The following KCNK6 variants were observed in gnomAD, a reference collection of about 807,000 sequenced individuals.
The protein encoded by KCNK6 is potassium channel subfamily K member 6.
A neutral mutation model predicts 21.9 loss-of-function variants in KCNK6; 20 were observed. The observed-to-expected ratio is 0.91, with a 90% CI of 0.64 to 1.32. The LOEUF (loss-of-function observed/expected upper bound fraction) is 1.32, where lower values mean the gene tolerates loss of function less well. KCNK6 is among the 40% of genes most tolerant of loss of function. The pLI is 0.00. For synonymous variants in KCNK6, 210 were observed against 218.0 expected (o/e 0.96, Z 0.32); for missense variants, 415 against 433.1 (o/e 0.96, Z 0.37).
chr19:38,325,348 C>T, intron 1 of KCNK6: 1 of 949,746 alleles, frequency 1.1e-6, no homozygotes, highest in Non-Finnish European at 1.3e-6. Context: ...AACTCCTGAC[C>T]TCATAATCTG....
intron 1 of KCNK6, among the ~76,000 whole-genome samples, chr19:38,321,990 C>T (rs1390280989): frequency 6.6e-6 from 1 of 152,256 alleles, no homozygotes; most frequent in African/African-American, 2.4e-5. Flanking sequence ...TAACACTCCC[C>T]ATTTCCCTGT....
intron 1 of KCNK6, 76 bp downstream of exon 1, chr19:38,320,348 G>C (rs931103971): frequency 2.7e-6 from 4 of 1,501,428 alleles, no homozygotes; most frequent in African/African-American, 2.8e-5. Context: ...GGACCCCGGG[G>C]CCCTCACGAA....
chr19:38,321,022 AC>A (rs1205806544), intron 1 of KCNK6, among the ~76,000 whole-genome samples: 3 of 151,882 alleles, frequency 2.0e-5, no homozygotes, highest in Non-Finnish European at 4.4e-5. Context: ...AGGACCCCTG[AC>A]TTTATCTCTA....
rs138693052 is a variant in KCNK6 at position 38,329,026 on chromosome 19, AAAGT to A, written c.*1628_*1631del. ...AAGAAAGAAAAAAAGAAAAAGAAAG[AAAGT>A]AAGTCCTGGCTAACACGGTGAAACC... On this transcript the variant is annotated 3_prime_UTR_variant, in exon 3 of 3. Transcript: ENST00000263372. 2.0e-5 allele frequency: 3 copies of A among 150,036 alleles called. No individual in the cohort carries two copies. Among genetic ancestry groups the A allele is most frequent in the African/African-American group, 5.0e-5 (2 of 40,054 alleles). 9.3% of individuals were successfully genotyped at this position (150,036 alleles called of 1,614,324 possible).
In KCNK6 at chr19:38,327,766, A is replaced by C; in HGVS notation, c.*363A>C. ...GTGTCTCTCAATTAACCACTCGTCA[A>C]CTGCTGATTCTACTGGGCTGTGGGC... On this transcript the variant is annotated 3_prime_UTR_variant, in exon 3 of 3. Transcript: ENST00000263372. The C allele has an allele frequency of 3.6e-6, 1 of 275,706 alleles. No individual in the cohort carries two copies. The highest frequency in any genetic ancestry group is 7.1e-6 in the Non-Finnish European group (1 of 141,280). The allele number at this position is 275,706 out of a possible 1,614,324, so 17.1% of individuals were successfully genotyped here. A position where few individuals can be genotyped will look rare whatever the true frequency, so the allele number is the denominator to read the frequency against.
rs1969726836 is a variant in KCNK6 at position 38,327,571 on chromosome 19, A to T, written c.*168A>T. 1 of 647,216 alleles carries T rather than the reference A, an allele frequency of 1.5e-6. No homozygotes were observed. The highest frequency in any genetic ancestry group is 2.7e-5 in the East Asian group (1 of 36,544). 40.1% of individuals were successfully genotyped at this position (647,216 alleles called of 1,614,324 possible). On this transcript the variant is annotated 3_prime_UTR_variant, in exon 3 of 3. Transcript: ENST00000263372. ...AGCATCTGGCTGGGATGTGAAGGGC[A>T]GCACTCCCTGTCCCCATGTCCCGGG...
chr19:38,326,518 TCCAGCC>T, intron 1 of KCNK6, 69 bp from the exon 2 acceptor site: 1 of 1,503,040 alleles, frequency 6.7e-7, no homozygotes, highest in Non-Finnish European at 8.9e-7. Flanking sequence ...ACCGCTGCAC[TCCAGCC>T]CGGGTGACAG....
chr19:38,324,144 G>C (rs1969682631), intron 1 of KCNK6, among the ~76,000 whole-genome samples: 1 of 150,096 alleles, frequency 6.7e-6, no homozygotes, highest in South Asian at 2.1e-4. Context: ...TACCCAGGCT[G>C]GTGTCAAACT....
intron 1 of KCNK6, among the ~76,000 whole-genome samples, chr19:38,320,716 G>A (rs1440098609): frequency 6.6e-6 from 1 of 152,002 alleles, no homozygotes; most frequent in Admixed American, 6.6e-5. Context: ...ATACCACCAT[G>A]CCTGGCTAAT....
chr19:38,328,183 T>G lies in KCNK6; in HGVS notation c.*780T>G, dbSNP rs1054191725. 1.3e-5 allele frequency: 2 copies of G among 152,288 alleles called. No individual in the cohort carries two copies. Among genetic ancestry groups the G allele is most frequent in the African/African-American group, 4.8e-5 (2 of 41,462 alleles). 9.4% of individuals were successfully genotyped at this position (152,288 alleles called of 1,614,324 possible). On this transcript the variant is annotated 3_prime_UTR_variant, in exon 3 of 3. Transcript: ENST00000263372. ...GAGGAAGGGACATCGAACTAAGACC[T>G]GAACTATGAGAAATAGGCAGGAAGA...
At chr19:38,323,948 G>A (rs531437287) in intron 1 of KCNK6, among the ~76,000 whole-genome samples, 73 of 152,068 alleles carry the variant, frequency 4.8e-4, no homozygotes, top group African/African-American at 1.7e-3. Flanking sequence ...AGCCTCAGAG[G>A]GGAGAAGTCA....
chr19:38,327,821 C>T lies in KCNK6; in HGVS notation c.*418C>T, dbSNP rs896017297. 1 of 230,886 alleles carries T rather than the reference C, an allele frequency of 4.3e-6. No homozygotes were observed. The highest frequency in any genetic ancestry group is 5.2e-5 in the Admixed American group (1 of 19,214). The allele number at this position is 230,886 out of a possible 1,614,324, so 14.3% of individuals were successfully genotyped here. A position where few individuals can be genotyped will look rare whatever the true frequency, so the allele number is the denominator to read the frequency against. On this transcript the variant is annotated 3_prime_UTR_variant, in exon 3 of 3. Transcript: ENST00000263372. ...ACCTCATTTCAGGCACCAGATTGGT[C>T]GCTACACCCTGGACAAGTGACTGCC...
chr19:38,330,871 T>C lies in KCNK6; in HGVS notation c.*3468T>C, dbSNP rs2145047229. The C allele has an allele frequency of 1.3e-5, 2 of 152,312 alleles. No individual in the cohort carries two copies. The highest frequency in any genetic ancestry group is 4.1e-4 in the South Asian group (2 of 4,822). 9.4% of individuals were successfully genotyped at this position (152,312 alleles called of 1,614,324 possible). ...CTCAGAAATATCTGTTGTCTAGCCC[T>C]TTCTCAGCCTCCCAACCTTCTCGGT... On this transcript the variant is annotated 3_prime_UTR_variant, in exon 3 of 3. Coordinates refer to ENST00000263372, the MANE Select transcript of KCNK6 (RefSeq NM_004823.3).
Position 38,327,268 on chromosome 19 carries a change from C to A in KCNK6, c.807C>A (p.Ile269=), listed in dbSNP as rs779549057. Reference sequence around the variant, plus strand: ...ACCTCCACGGCCTCACGGAGCTCATCCTGCTGCCCCCTCCGTGCCCTGCCA... The same window carrying A: ...ACCTCCACGGCCTCACGGAGCTCATACTGCTGCCCCCTCCGTGCCCTGCCA... ...VSDLHGLTEL[I]LLPPPCPASF... Residue 269 remains isoleucine, a synonymous_variant, in exon 3 of 3, where the codon ATC becomes ATA. Transcript: ENST00000263372. The A allele has an allele frequency of 1.9e-6, 3 of 1,613,738 alleles. No homozygotes were observed. The highest frequency in any genetic ancestry group is 2.5e-6 in the Non-Finnish European group (3 of 1,180,036).
rs1969626887 is a variant in KCNK6, at chr19:38,319,939, C to T, written c.-12C>T. Reference sequence around the variant, plus strand: ...GGGGCCACCCAGGGCTCGCGGGGTCCCGGTGGGTGCCATGCGGAGGGGCGC... The same window carrying T: ...GGGGCCACCCAGGGCTCGCGGGGTCTCGGTGGGTGCCATGCGGAGGGGCGC... On this transcript the variant is annotated 5_prime_UTR_variant, in exon 1 of 3. Coordinates refer to ENST00000263372, the MANE Select transcript of KCNK6 (RefSeq NM_004823.3). 2 of 1,417,734 alleles carry T rather than the reference C, an allele frequency of 1.4e-6. No individual in the cohort carries two copies. The highest frequency in any genetic ancestry group is 3.3e-5 in the Admixed American group (1 of 30,110). 87.8% of individuals were successfully genotyped at this position (1,417,734 alleles called of 1,614,324 possible).
intron 2 of KCNK6, 93 bp from the exon 3 acceptor site, chr19:38,327,086 AT>A: frequency 6.4e-7 from 1 of 1,567,632 alleles, no homozygotes; most frequent in Non-Finnish European, 8.6e-7. Context: ...TCCAAAAGGG[AT>A]CCAACCCCAC....
At chr19:38,321,245 T>TG (rs773148142) in intron 1 of KCNK6, among the ~76,000 whole-genome samples, 20 of 152,204 alleles carry the variant, frequency 1.3e-4, no homozygotes, top group Non-Finnish European at 2.6e-4. Flanking sequence ...CTGGGACTCC[T>TG]GGCCCTCTGG....
rs960098685 is a variant in KCNK6, at chr19:38,329,405, A to T, written c.*2002A>T. 1.3e-5 allele frequency: 2 copies of T among 151,846 alleles called. No homozygotes were observed. The highest frequency in any genetic ancestry group is 6.6e-5 in the Admixed American group (1 of 15,184). The allele number at this position is 151,846 out of a possible 1,614,324, so 9.4% of individuals were successfully genotyped here. A position where few individuals can be genotyped will look rare whatever the true frequency, so the allele number is the denominator to read the frequency against. On this transcript the variant is annotated 3_prime_UTR_variant, in exon 3 of 3. Coordinates refer to ENST00000263372, the MANE Select transcript of KCNK6 (RefSeq NM_004823.3). ...CCATCTCTACAAAAATAAAAATTTT[A>T]AAAAGGGCTGGGGCATTTGAGCTGG...
intron 1 of KCNK6, among the ~76,000 whole-genome samples, chr19:38,322,841 G>T (rs940828362): frequency 6.7e-6 from 1 of 149,178 alleles, no homozygotes; most frequent in African/African-American, 2.5e-5. Flanking sequence ...GGCCGGGCAA[G>T]TTGGCTCACG....
Sources: allele counts gnomAD v4.1 joint callset (sites outside exome capture counted in the v4.1 genomes callset), GRCh38; gene constraint gnomAD v4.1.1; transcripts MANE v1.5; gene names NCBI Gene and HGNC (gene_info 2026-07-23, HGNC 2026-07-21).